Variants in BLZF1 observed in about 807,000 individuals in gnomAD.
BLZF1 encodes golgin-45.
In BLZF1, 39 loss-of-function variants were observed where a neutral mutation model predicts 43.8. The ratio of observed to expected loss-of-function variants is 0.89; its 90% confidence interval spans 0.69 to 1.16. The LOEUF is 1.16. Ranked by LOEUF, BLZF1 falls within the 50% of genes most tolerant of loss-of-function variation. The pLI, the probability that BLZF1 is intolerant of heterozygous loss-of-function variation, is 0.00. For synonymous variants in BLZF1, 136 were observed against 159.4 expected (o/e 0.85, Z 1.11); for missense variants, 449 against 469.8 (o/e 0.96, Z 0.41).
At chr1:169,383,106 G>A (rs922534061) in intron 6 of BLZF1, among the ~76,000 whole-genome samples, 1 of 152,066 alleles carries the variant, frequency 6.6e-6, no homozygotes, top group Non-Finnish European at 1.5e-5. Flanking sequence ...CCCCAGTCCT[G>A]TGTCAGTTCA....
At chr1:169,378,088 C>T (rs2102012803) in intron 3 of BLZF1, among the ~76,000 whole-genome samples, 1 of 151,690 alleles carries the variant, frequency 6.6e-6, no homozygotes, top group African/African-American at 2.4e-5. Flanking sequence ...TCTTTTTACT[C>T]TTACTACAAG....
Position 169,387,254 on chromosome 1 carries a change from G to T in BLZF1, c.*72G>T. On this transcript the variant is annotated 3_prime_UTR_variant, in exon 7 of 7. Coordinates refer to ENST00000367808, the MANE Select transcript of BLZF1 (RefSeq NM_001320973.2). The stretch of plus-strand genomic sequence containing the variant: ...GAGTCATTATTATTTGGGAGCTGGG[G>T]TTCTTACAATGCTAGAAATAATATC... The T allele has an allele frequency of 7.2e-7, 1 of 1,395,402 alleles. No homozygotes were observed. Among genetic ancestry groups the T allele is most frequent in the Non-Finnish European group, 9.9e-7 (1 of 1,012,834 alleles). The allele number at this position is 1,395,402 out of a possible 1,614,324, so 86.4% of individuals were successfully genotyped here.
At chr1:169,378,611 G>A in intron 4 of BLZF1, 82 bp downstream of exon 4, 2 of 1,374,630 alleles carry the variant, frequency 1.5e-6, no homozygotes, top group Non-Finnish European at 2.0e-6. Context: ...AAAGTAGATT[G>A]TAGTGTGAAA....
rs1309570467 is a variant in BLZF1, at chr1:169,369,536, A to G, written c.14A>G (p.Asn5Ser). 1 of 1,609,804 alleles carries G rather than the reference A, an allele frequency of 6.2e-7. No homozygotes were observed. The highest frequency in any genetic ancestry group is 8.5e-7 in the Non-Finnish European group (1 of 1,177,448). The change falls in exon 2 of 7, where the codon AAT becomes AGT. Residue 5 changes from asparagine (N) to serine (S), a missense_variant. Coordinates refer to ENST00000367808, the MANE Select transcript of BLZF1 (RefSeq NM_001320973.2). MTTK[N>S]LETKVTVTSS... ...TAAGGTGAAAAAATGACTACTAAAAATTTAGAAACCAAAGGTAAGTGGCTT... is the reference window on the plus strand; with the variant it reads ...TAAGGTGAAAAAATGACTACTAAAAGTTTAGAAACCAAAGGTAAGTGGCTT...
chr1:169,383,308 C>T (rs1654578407), intron 6 of BLZF1, among the ~76,000 whole-genome samples: 1 of 152,198 alleles, frequency 6.6e-6, no homozygotes, highest in South Asian at 2.1e-4. Flanking sequence ...TCCTCTTCTC[C>T]TAAGCATACC....
chr1:169,388,732 C>T (rs891375067), downstream of BLZF1, among the ~76,000 whole-genome samples: 1 of 152,154 alleles, frequency 6.6e-6, no homozygotes, highest in African/African-American at 2.4e-5. Flanking sequence ...TGCCTGTAAT[C>T]CTAGCACTTT....
downstream of BLZF1, among the ~76,000 whole-genome samples, chr1:169,393,112 G>A (rs1008102076): frequency 1.2e-4 from 19 of 152,236 alleles, no homozygotes; most frequent in South Asian, 2.1e-4. Context: ...TCTGGTTAGC[G>A]TCAGAATTGA....
At chr1:169,391,395 C>G (rs1182135204), downstream of BLZF1, among the ~76,000 whole-genome samples, 1 of 152,204 alleles carries the variant, frequency 6.6e-6, no homozygotes, top group Admixed American at 6.5e-5. Flanking sequence ...TGGGATCCCC[C>G]TAAAGACTGT....
At chr1:169,390,890 C>A (rs1194258452), downstream of BLZF1, among the ~76,000 whole-genome samples, 2 of 152,172 alleles carry the variant, frequency 1.3e-5, no homozygotes, top group South Asian at 2.1e-4. Flanking sequence ...CTTTTAAATA[C>A]AAGCATGCAC....
At chr1:169,374,512 T>C (rs1408344251) in intron 2 of BLZF1, among the ~76,000 whole-genome samples, 1 of 152,170 alleles carries the variant, frequency 6.6e-6, no homozygotes, top group African/African-American at 2.4e-5. Context: ...TTAGTTTACA[T>C]TTCATATGGA....
At chr1:169,394,692 T>C (rs902170737) in intron 7 of BLZF1, among the ~76,000 whole-genome samples, 1 of 152,226 alleles carries the variant, frequency 6.6e-6, no homozygotes, top group Non-Finnish European at 1.5e-5. Flanking sequence ...GAGTCACTCC[T>C]TCAGCCTTAT....
intron 3 of BLZF1, 112 bp from the exon 4 acceptor site, chr1:169,378,218 A>T: frequency 1.0e-6 from 1 of 981,226 alleles, no homozygotes; most frequent in Non-Finnish European, 1.5e-6. Flanking sequence ...AGAAACTTCA[A>T]GTCACGGAGG....
In BLZF1 at chr1:169,380,496, G is replaced by A. The variant is rs544422022; in HGVS notation, c.684G>A (p.Glu228=). Residue 228 remains glutamate (E), a synonymous_variant, in exon 5 of 7, where the codon GAG becomes GAA. Coordinates refer to ENST00000367808, the MANE Select transcript of BLZF1 (RefSeq NM_001320973.2). ...KFLASRVMAD[E]LTNSRAALQR... is the part of the protein sequence containing the mutation. ...TCTTTTTCAGGGTAATGGCAGATGA[G>A]TTAACCAACTCAAGAGCAGCTTTAC... The A allele has an allele frequency of 1.4e-5, 22 of 1,611,896 alleles. No individual in the cohort carries two copies. The South Asian group carries it at 2.2e-4, about 16-fold the overall frequency.
chr1:169,374,376 A>G (rs916092706), intron 2 of BLZF1, among the ~76,000 whole-genome samples: 9 of 152,066 alleles, frequency 5.9e-5, no homozygotes, highest in African/African-American at 1.9e-4. Context: ...TGTCAGTGCT[A>G]CCATGCTTTG....
intron 7 of BLZF1, among the ~76,000 whole-genome samples, chr1:169,394,181 C>T (rs184000346): frequency 0.01 from 1,534 of 152,222 alleles, 26 homozygotes; most frequent in African/African-American, 0.035. Flanking sequence ...CTCTGCAGAA[C>T]GACACTAATA....
intron 5 of BLZF1, 147 bp from the exon 6 acceptor site, chr1:169,381,915 C>A: frequency 1.6e-6 from 1 of 636,444 alleles, no homozygotes; most frequent in Non-Finnish European, 2.6e-6. Flanking sequence ...TTGACTAAGA[C>A]ATCCGAATTT....
chr1:169,388,859 G>A (rs186041015), downstream of BLZF1, among the ~76,000 whole-genome samples: 48 of 152,202 alleles, frequency 3.2e-4, no homozygotes, highest in African/African-American at 8.7e-4. Flanking sequence ...AGTGGCTCAC[G>A]CCTGTAATCC....
chr1:169,373,079 A>C (rs1390045410), intron 2 of BLZF1, among the ~76,000 whole-genome samples: 1 of 152,112 alleles, frequency 6.6e-6, no homozygotes, highest in Non-Finnish European at 1.5e-5. Flanking sequence ...CTTTTGGTTC[A>C]CAAAGCCTAA....
At chr1:169,393,442 T>C (rs1167736453) in intron 7 of BLZF1, among the ~76,000 whole-genome samples, 2 of 150,996 alleles carry the variant, frequency 1.3e-5, no homozygotes, top group Admixed American at 1.3e-4. Flanking sequence ...AAAAAAAAAT[T>C]AGCTGGGCAT....
Sources: allele counts gnomAD v4.1 joint callset (sites outside exome capture counted in the v4.1 genomes callset), GRCh38; gene constraint gnomAD v4.1.1; transcripts MANE v1.5; gene names NCBI Gene and HGNC (gene_info 2026-07-23, HGNC 2026-07-21).